PPL: variants seen among roughly 807,000 people sequenced by gnomAD.
The protein encoded by PPL is 190 kDa paraneoplastic pemphigus antigen.
In PPL, 198 loss-of-function variants were observed where a neutral mutation model predicts 194.4. The observed-to-expected ratio is 1.02, with a 90% CI of 0.91 to 1.15. The LOEUF is 1.15. Ranked by LOEUF, PPL falls within the 50% of genes most tolerant of loss-of-function variation. The pLI, the probability that PPL is intolerant of heterozygous loss-of-function variation, is 0.00. For missense variants in PPL, 2,885 were observed against 2,294.8 expected (o/e 1.26, Z -5.25); for synonymous variants, 1,220 against 972.4 (o/e 1.25, Z -4.74).
chr16:4,912,064 C>T (rs180932657), intron 1 of PPL, among the ~76,000 whole-genome samples: 5 of 152,202 alleles, frequency 3.3e-5, no homozygotes, highest in Non-Finnish European at 5.9e-5. Context: ...GGAGATAACT[C>T]ACATACCGTA....
rs559825270 is a variant in PPL, at chr16:4,891,847, G to C, written c.1932C>G (p.Ser644Arg). Reference protein sequence around the residue: ...HLNQDDTVPESSRVLDSKGQE... With the variant: ...HLNQDDTVPERSRVLDSKGQE... ...GCCCCTTGCTGTCCAGGACACGGCT[G>C]CTCTCAGGCACTGTGTCATCCTGAT... is the stretch of plus-strand genomic sequence containing the variant. The change falls in exon 16 of 22, where the codon AGC (serine) becomes AGG (arginine). Residue 644 changes from serine to arginine, a missense_variant. Ser to Arg is a moderately radical substitution (Grantham distance 110). Coordinates refer to ENST00000345988, the MANE Select transcript of PPL (RefSeq NM_002705.5). The C allele has an allele frequency of 1.3e-4, 211 of 1,613,336 alleles. 1 individual carries two copies. In the South Asian group the frequency reaches 2.2e-3, roughly 17 times the overall value.
chr16:4,916,659 C>T (rs141316390), intron 1 of PPL, among the ~76,000 whole-genome samples: 1,553 of 135,078 alleles, frequency 0.011, 26 homozygotes, highest in African/African-American at 0.037. Context: ...CGCCTGGCAC[C>T]GTGCCCAGCT....
Position 4,883,473 on chromosome 16 carries a change from C to T in PPL, c.5182G>A (p.Gly1728Ser), listed in dbSNP as rs750017986. ...KFSIEEALQSGRLTPAQYDRY... is the reference protein window; with the variant it reads ...KFSIEEALQSSRLTPAQYDRY... ...TCATACTGAGCAGGGGTCAGCCTGCCACTCTGCAGGGCCTCTTCGATGGAG... is the reference window on the plus strand; with the variant it reads ...TCATACTGAGCAGGGGTCAGCCTGCTACTCTGCAGGGCCTCTTCGATGGAG... The change falls in exon 22 of 22, where the codon GGC becomes AGC. Residue 1728 changes from glycine to serine, a missense_variant. Coordinates refer to ENST00000345988, the MANE Select transcript of PPL (RefSeq NM_002705.5). This position sits in a 1 kb window ranked among gnomAD's most constrained non-coding sequence, Gnocchi z 4.8. 10 of 1,614,216 alleles carry T rather than the reference C, an allele frequency of 6.2e-6. No homozygotes were observed. In the Admixed American group the frequency reaches 1.2e-4, roughly 19 times the overall value.
intron 1 of PPL, among the ~76,000 whole-genome samples, chr16:4,913,418 G>C (rs1314253101): frequency 6.6e-6 from 1 of 152,208 alleles, no homozygotes; most frequent in East Asian, 1.9e-4. Context: ...CAGGGTGGCA[G>C]GGGTTATGAA....
chr16:4,891,988 G>A (rs1223621067), intron 15 of PPL, 39 bp from the exon 16 acceptor site: 2 of 1,610,682 alleles, frequency 1.2e-6, no homozygotes, highest in South Asian at 1.1e-5. Flanking sequence ...TGCCCACCTG[G>A]CCCCCTGACC....
rs374273324 is a variant in PPL, at chr16:4,885,009, G to T, written c.3646C>A (p.Leu1216Met). The change falls in exon 22 of 22, where the codon CTG (leucine) becomes ATG (methionine). Residue 1216 changes from leucine (L) to methionine (M), a missense_variant. Transcript: ENST00000345988. The surrounding 1 kb of genome is among the most constrained non-coding windows in gnomAD (Gnocchi z 6.3). ...EEQLRSYQSELEALRRRGPQV... is the reference protein window; with the variant it reads ...EEQLRSYQSEMEALRRRGPQV... ...GGGCCTCGCCTCCTGAGGGCCTCCA[G>T]CTCACTCTGGTAGCTCCGGAGCTGC... 7 of 1,613,786 alleles carry T rather than the reference G, an allele frequency of 4.3e-6. No individual in the cohort carries two copies. The African/African-American group carries it at 9.3e-5, about 22-fold the overall frequency.
At position 4,902,179 on chromosome 16, in the gene PPL, CAG is replaced by C. The variant is rs562307291; in HGVS notation, c.438+225_438+226del. ...AGGAGCAGCAGCGAGGTGTGGCTGACAGGGGACAGAGTCCGAATCTCCACCGC... is the reference window on the plus strand; with the variant it reads ...AGGAGCAGCAGCGAGGTGTGGCTGACGGGACAGAGTCCGAATCTCCACCGC... On this transcript the variant is annotated intron_variant, in intron 4 of 21. Coordinates refer to ENST00000345988, the MANE Select transcript of PPL (RefSeq NM_002705.5). This position sits in a 1 kb window ranked among gnomAD's most constrained non-coding sequence, Gnocchi z 4.0. Among the ~76,000 whole-genome samples the C allele has an allele frequency of 9.2e-5, 14 of 152,288 alleles. No homozygotes were observed. The East Asian group carries it at 9.6e-4, about 10-fold the overall frequency.
Position 4,889,864 on chromosome 16 carries a change from C to A in PPL, c.2313+320G>T, listed in dbSNP as rs755613104. 6.6e-5 allele frequency among the ~76,000 whole-genome samples: 10 copies of A among 152,224 alleles called. No individual in the cohort carries two copies. The East Asian group carries it at 1.5e-3, about 23-fold the overall frequency. ...GGCATGGGGGAGGCAGGAGTCCCAA[C>A]TTTGAAAATGGGATTTCCCCCACAA... On this transcript the variant is annotated intron_variant, in intron 18 of 21. Coordinates refer to ENST00000345988, the MANE Select transcript of PPL (RefSeq NM_002705.5).
rs183506541 is a variant in PPL, at chr16:4,909,724, C to T, written c.162+1126G>A. Among the ~76,000 whole-genome samples, 33 of 152,238 alleles carry T rather than the reference C, an allele frequency of 2.2e-4. No individual in the cohort carries two copies. In the East Asian group the frequency reaches 5.6e-3, roughly 26 times the overall value. The stretch of plus-strand genomic sequence containing the variant: ...TTACGGCCGTGTGAGCCATTACGCA[C>T]CTGGCCTGGTCCCACTTCTTAGTCG... On this transcript the variant is annotated intron_variant, in intron 2 of 21. Coordinates refer to ENST00000345988, the MANE Select transcript of PPL (RefSeq NM_002705.5).
intron 1 of PPL, among the ~76,000 whole-genome samples, chr16:4,919,527 G>A (rs1446922439): frequency 2.6e-5 from 4 of 152,114 alleles, no homozygotes; most frequent in Admixed American, 6.6e-5. Flanking sequence ...GCCTCCCAAA[G>A]TGCTAGGATT....
At chr16:4,892,444 C>T (rs1052022886) in intron 14 of PPL, among the ~76,000 whole-genome samples, 9 of 152,210 alleles carry the variant, frequency 5.9e-5, no homozygotes, top group Admixed American at 6.5e-5. Context: ...ACCAGAAGCA[C>T]CCAGGCAGCT....
In PPL at chr16:4,883,635, C is replaced by A; in HGVS notation, c.5020G>T (p.Ala1674Ser). 6.2e-7 allele frequency: 1 copy of A among 1,614,212 alleles called. No homozygotes were observed. Residue 1674 changes from alanine (A) to serine (S), a missense_variant, in exon 22 of 22, where the codon GCC becomes TCC. By Grantham distance (99) the Ala-to-Ser change is moderately conservative. Transcript: ENST00000345988. The surrounding 1 kb of genome is among the most constrained non-coding windows in gnomAD (Gnocchi z 4.8). Reference sequence around the variant, plus strand: ...CAGTCAATGAGCCCGGCACGGTGGGCTTCCTCCGGGGACAGCTCGCGGCCT... The same window carrying A: ...CAGTCAATGAGCCCGGCACGGTGGGATTCCTCCGGGGACAGCTCGCGGCCT... ...DTGRELSPEE[A>S]HRAGLIDWNM...
rs989709227 is a variant in PPL at position 4,901,170 on chromosome 16, G to A, written c.439-81C>T. 1.7e-5 allele frequency: 25 copies of A among 1,503,524 alleles called. No homozygotes were observed. The African/African-American group carries it at 2.2e-4, about 13-fold the overall frequency. The allele number at this position is 1,503,524 out of a possible 1,614,324, so 93.1% of individuals were successfully genotyped here. A position where few individuals can be genotyped will look rare whatever the true frequency, so the allele number is the denominator to read the frequency against. On this transcript the variant is annotated intron_variant, in intron 4 of 21. Transcript: ENST00000345988. ...TGTGGCCACCCCAGGAGCCTCGGGG[G>A]TGGGCATGATGGTGCTCTCTTTTTC...
At chr16:4,898,968 C>G (rs2142358986) in intron 8 of PPL, 45 bp downstream of exon 8, 1 of 1,570,766 alleles carries the variant, frequency 6.4e-7, no homozygotes, top group Non-Finnish European at 8.7e-7. Flanking sequence ...AGCGGCCAAC[C>G]AGAAGCCACC....
At chr16:4,924,199 G>A (rs77273891) in intron 1 of PPL, among the ~76,000 whole-genome samples, 149 of 152,304 alleles carry the variant, frequency 9.8e-4, no homozygotes, top group African/African-American at 3.3e-3. Flanking sequence ...AAGAAGAAAT[G>A]AGCGAATTTT....
At chr16:4,898,431 A>C (rs2088477254) in intron 8 of PPL, among the ~76,000 whole-genome samples, 1 of 152,188 alleles carries the variant, frequency 6.6e-6, no homozygotes, top group Non-Finnish European at 1.5e-5. Context: ...CTTATTTGGG[A>C]ATAAGATCTT....
At chr16:4,894,373 C>G in intron 12 of PPL, 94 bp downstream of exon 12, 2 of 1,508,604 alleles carry the variant, frequency 1.3e-6, no homozygotes, top group Non-Finnish European at 8.9e-7. Context: ...GCGCTCCCCA[C>G]AGGCTGAGTC....
chr16:4,910,134 G>A (rs746706357), intron 2 of PPL, among the ~76,000 whole-genome samples: 5 of 152,256 alleles, frequency 3.3e-5, no homozygotes, highest in South Asian at 2.1e-4. Flanking sequence ...GCTTCATGCC[G>A]TTGAGTCCAC....
In PPL at chr16:4,902,329, G is replaced by T. The variant is rs1034890873; in HGVS notation, c.438+77C>A. 1.3e-6 allele frequency: 2 copies of T among 1,580,068 alleles called. No homozygotes were observed. Among genetic ancestry groups the T allele is most frequent in the Non-Finnish European group, 8.6e-7 (1 of 1,162,374 alleles). On this transcript the variant is annotated intron_variant, in intron 4 of 21. Transcript: ENST00000345988. This position sits in a 1 kb window ranked among gnomAD's most constrained non-coding sequence, Gnocchi z 4.0. ...GTAAGACCCGGGATGCCCATTACAT[G>T]GGTAGGCTCTCCCTGCACACGCACA...
Sources: gnomAD v4.1 joint callset for allele counts (sites outside exome capture counted in the v4.1 genomes callset) on GRCh38, gnomAD v4.1.1 for gene constraint, Gnocchi (gnomAD v3.1) non-coding constraint, MANE v1.5 for transcripts, NCBI Gene and HGNC (gene_info 2026-07-23, HGNC 2026-07-21) for gene names.